Variants in OR51B5 observed in about 807,000 individuals in gnomAD.
OR51B5 encodes olfactory receptor family 51 subfamily B member 5.
For synonymous variants in OR51B5, 186 were observed against 144.8 expected, an observed-to-expected ratio of 1.28 and a Z score of -2.04; for missense variants, 456 against 374.6, an observed-to-expected ratio of 1.22 and a Z score of -1.79.
rs999058260 is a variant in OR51B5 at position 5,395,121 on chromosome 11, C to G, written n.85-48211G>C. ...TTCCATTTAAGATAACTGGGCATCT[C>G]AAATGCTTTGGTCTAGGAGGATGCT... is the stretch of plus-strand genomic sequence containing the variant. On this transcript the variant is annotated intron_variant and non_coding_transcript_variant, in intron 1 of 4. Transcript: ENST00000415970. 3.9e-5 allele frequency among the ~76,000 whole-genome samples: 6 copies of G among 152,168 alleles called. No homozygotes were observed. In the South Asian group the frequency reaches 1.2e-3, roughly 32 times the overall value.
chr11:5,380,507 C>G (rs981567004), intron 1 of OR51B5, among the ~76,000 whole-genome samples: 14 of 152,044 alleles, frequency 9.2e-5, no homozygotes, highest in Admixed American at 2.6e-4. Flanking sequence ...ACAGAGACAC[C>G]TAAAAAGAGT....
chr11:5,435,351 A>G (rs1850578312), intron 1 of OR51B5, among the ~76,000 whole-genome samples: 1 of 152,224 alleles, frequency 6.6e-6, no homozygotes, highest in Non-Finnish European at 1.5e-5. Flanking sequence ...AATCTTCATC[A>G]AGTATTAACT....
chr11:5,412,117 C>A (rs951920413), intron 1 of OR51B5, among the ~76,000 whole-genome samples: 21 of 152,310 alleles, frequency 1.4e-4, no homozygotes, highest in African/African-American at 5.1e-4. Flanking sequence ...TCTCCTCCTC[C>A]TCAAATTCAA....
intron 1 of OR51B5, chr11:5,422,309 T>C (rs754976986): frequency 1.1e-5 from 18 of 1,614,104 alleles, no homozygotes; most frequent in Non-Finnish European, 1.4e-5. Context: ...CTGCTGTCTC[T>C]ACACCATCTC....
rs1850115140 is a variant in OR51B5 at position 5,409,750 on chromosome 11, A to T, written n.85-62840T>A. ...GGAGGTACAGAAGCACTATTTCAAG[A>T]GATAATGGTTGAGAATTCCCCTAAA... is the stretch of plus-strand genomic sequence containing the variant. On this transcript the variant is annotated intron_variant and non_coding_transcript_variant, in intron 1 of 4. Coordinates refer to the OR51B5 transcript ENST00000415970. 2.0e-5 allele frequency among the ~76,000 whole-genome samples: 3 copies of T among 152,278 alleles called. No homozygotes were observed. In the South Asian group the frequency reaches 6.2e-4, roughly 32 times the overall value.
In OR51B5 at chr11:5,442,056, C is replaced by T. The variant is rs1339423849; in HGVS notation, n.84+63513G>A. On this transcript the variant is annotated intron_variant and non_coding_transcript_variant, in intron 1 of 4. Coordinates refer to the OR51B5 transcript ENST00000415970. The stretch of plus-strand genomic sequence containing the variant: ...TTCTACCTTCCAACCTTCTCATGCC[C>T]GTGCACTTGCTCTTGAGTCTCCATG... Among the ~76,000 whole-genome samples the T allele has an allele frequency of 2.6e-5, 4 of 152,240 alleles. No homozygotes were observed. In the East Asian group the frequency reaches 5.8e-4, roughly 22 times the overall value.
intron 1 of OR51B5, chr11:5,423,154 A>G: frequency 6.3e-7 from 1 of 1,581,332 alleles, no homozygotes; most frequent in Non-Finnish European, 8.6e-7. Flanking sequence ...ATTCAAGATG[A>G]GGGAATGCAT....
At chr11:5,373,631 C>T (rs563315078) in intron 1 of OR51B5, among the ~76,000 whole-genome samples, 19 of 152,292 alleles carry the variant, frequency 1.2e-4, no homozygotes, top group African/African-American at 3.4e-4. Flanking sequence ...CACCCGAATA[C>T]TGTGCTTTTC....
At chr11:5,437,645 C>A (rs1353971596) in intron 1 of OR51B5, among the ~76,000 whole-genome samples, 3 of 152,168 alleles carry the variant, frequency 2.0e-5, no homozygotes, top group Non-Finnish European at 2.9e-5. Flanking sequence ...AAGGATAGCA[C>A]CTAACTACAA....
At chr11:5,458,998 G>C (rs1178613051) in intron 1 of OR51B5, among the ~76,000 whole-genome samples, 1 of 152,300 alleles carries the variant, frequency 6.6e-6, no homozygotes, top group African/African-American at 2.4e-5. Flanking sequence ...TGCAGAGTAA[G>C]AGTGGTAAAA....
At chr11:5,371,018 T>C (rs1371043332) in intron 1 of OR51B5, among the ~76,000 whole-genome samples, 1 of 152,166 alleles carries the variant, frequency 6.6e-6, no homozygotes, top group Non-Finnish European at 1.5e-5. Flanking sequence ...TGATTGGGGC[T>C]ACCCAAAGGG....
rs553912437 is a variant in OR51B5 at position 5,422,459 on chromosome 11, C to T, written n.85-75549G>A. On this transcript the variant is annotated intron_variant and non_coding_transcript_variant, in intron 1 of 4. Transcript: ENST00000415970. Reference sequence around the variant, plus strand: ...CACCCTACCCACAGTCATGCAGCTTCTCTGGTTCAACGTTCGTAGAATCAG... The same window carrying T: ...CACCCTACCCACAGTCATGCAGCTTTTCTGGTTCAACGTTCGTAGAATCAG... The T allele has an allele frequency of 1.9e-5, 30 of 1,614,240 alleles. No individual in the cohort carries two copies. The South Asian group carries it at 3.2e-4, about 17-fold the overall frequency.
intron 1 of OR51B5, among the ~76,000 whole-genome samples, chr11:5,497,811 G>A (rs915482790): frequency 1.3e-5 from 2 of 152,132 alleles, no homozygotes; most frequent in Non-Finnish European, 2.9e-5. Flanking sequence ...GAGTTTCTCA[G>A]CAGCTTTGCC....
chr11:5,371,271 T>TG (rs1849443258), intron 1 of OR51B5, among the ~76,000 whole-genome samples: 1 of 152,162 alleles, frequency 6.6e-6, no homozygotes, highest in South Asian at 2.1e-4. Context: ...TCTTTCACAT[T>TG]AGGTTAATTT....
At chr11:5,351,485 T>G in intron 1 of OR51B5, 1 of 1,578,538 alleles carries the variant, frequency 6.3e-7, no homozygotes, top group Non-Finnish European at 8.6e-7. Flanking sequence ...GGAGTAAATA[T>G]TTGCCTCTTT....
intron 1 of OR51B5, among the ~76,000 whole-genome samples, chr11:5,350,500 G>A (rs776603031): frequency 2.0e-5 from 3 of 152,080 alleles, no homozygotes; most frequent in Non-Finnish European, 2.9e-5. Context: ...ATTCTCAGAG[G>A]TTGGCTGCCT....
At chr11:5,478,391 TA>T (rs1260271874) in intron 1 of OR51B5, among the ~76,000 whole-genome samples, 1 of 149,896 alleles carries the variant, frequency 6.7e-6, no homozygotes, top group Non-Finnish European at 1.5e-5. Context: ...CAAAAGTAGA[TA>T]AAACCACAAA....
upstream of OR51B5, among the ~76,000 whole-genome samples, chr11:5,347,122 C>CT (rs1182875167): frequency 2.6e-5 from 4 of 152,072 alleles, no homozygotes; most frequent in Non-Finnish European, 5.9e-5. Context: ...CTGGTAGGAC[C>CT]TTTATGTGTG....
chr11:5,447,677 T>G (rs1041485288), intron 1 of OR51B5, among the ~76,000 whole-genome samples: 3 of 152,110 alleles, frequency 2.0e-5, no homozygotes, highest in East Asian at 1.9e-4. Flanking sequence ...GCTCCCAAGA[T>G]CTACAAATAT....
Sources: allele counts gnomAD v4.1 joint callset (sites outside exome capture counted in the v4.1 genomes callset), GRCh38; gene constraint gnomAD v4.1.1; transcripts MANE v1.5; gene names NCBI Gene and HGNC (gene_info 2026-07-23, HGNC 2026-07-21).